The following ZNF514 variants were observed in gnomAD, a reference collection of about 807,000 sequenced individuals.
ZNF514 encodes the protein zinc finger protein 514.
ZNF514 carries 12 observed loss-of-function variants against 9.7 expected under a neutral mutation model. That is an observed-to-expected ratio of 1.24 (90% CI 0.79 to 2.01). The LOEUF is 2.01. ZNF514 is among the 30% of genes most tolerant of loss of function. The pLI, the probability that ZNF514 is intolerant of heterozygous loss-of-function variation, is 0.00. For missense variants in ZNF514, 467 were observed against 465.5 expected, an observed-to-expected ratio of 1.00 and a Z score of -0.03; for synonymous variants, 158 against 163.7, an observed-to-expected ratio of 0.97 and a Z score of 0.27.
At position 95,148,671 on chromosome 2, in the gene ZNF514, G is replaced by A. The variant is rs563563209; in HGVS notation, c.*611C>T. ...TTCCAGCTAGTAGGGAGAGTTCTAAGGGGTTTATAAAGCAATGAGGTTTGG... is the reference window on the plus strand; with the variant it reads ...TTCCAGCTAGTAGGGAGAGTTCTAAAGGGTTTATAAAGCAATGAGGTTTGG... On this transcript the variant is annotated 3_prime_UTR_variant, in exon 5 of 5. Transcript: ENST00000295208. 4 of 152,902 alleles carry A rather than the reference G, an allele frequency of 2.6e-5. No homozygotes were observed. The highest frequency in any genetic ancestry group is 7.2e-5 in the African/African-American group (3 of 41,542). The allele number at this position is 152,902 out of a possible 1,614,324, so 9.5% of individuals were successfully genotyped here.
chr2:95,128,590 GAGGAGGAGGAGGGAGAAGAAGAAAGAAAA>G, the ZNF514 span, among the ~76,000 whole-genome samples: 7 of 151,386 alleles, frequency 4.6e-5, no homozygotes, highest in East Asian at 1.9e-4. Flanking sequence ...AGAGGATGAG[GAGGAGGAGGAGGGAGAAGAAGAAAGAAAA>G]AGGAGGAGGA....
chr2:95,148,988 C>T lies in ZNF514; in HGVS notation c.*294G>A. ...CTCACTGCATTGATAAGGCTCCTCC[C>T]CAGTGTCGGCTGTCTGATGCTGAAT... On this transcript the variant is annotated 3_prime_UTR_variant, in exon 5 of 5. Transcript: ENST00000295208. 1 of 334,472 alleles carries T rather than the reference C, an allele frequency of 3.0e-6. No individual in the cohort carries two copies. The highest frequency in any genetic ancestry group is 5.4e-6 in the Non-Finnish European group (1 of 183,864). 20.7% of individuals were successfully genotyped at this position (334,472 alleles called of 1,614,324 possible).
rs1156978374 is a variant in ZNF514 at position 95,155,343 on chromosome 2, C to T, written c.-7+2008G>A. On this transcript the variant is annotated intron_variant, in intron 2 of 4. Transcript: ENST00000295208. ...TGTAACCTACAGACTTTCCCACTCC[C>T]AAGACCAAGGGTCCTCACAGTGTCT... The T allele has an allele frequency of 2.6e-5, 4 of 152,246 alleles. No individual in the cohort carries two copies. The East Asian group carries it at 7.7e-4, about 29-fold the overall frequency. The allele number at this position is 152,246 out of a possible 1,614,324, so 9.4% of individuals were successfully genotyped here.
chr2:95,126,989 C>G, the ZNF514 span, among the ~76,000 whole-genome samples: 1 of 152,158 alleles, frequency 6.6e-6, no homozygotes, highest in Admixed American at 6.5e-5. Context: ...CACCTGATCT[C>G]TTTATGCCTC....
At chr2:95,158,048 C>T (rs1286966620) in intron 1 of ZNF514, among the ~76,000 whole-genome samples, 3 of 152,150 alleles carry the variant, frequency 2.0e-5, no homozygotes, top group Non-Finnish European at 4.4e-5. Context: ...AAAACTAACC[C>T]AAACCATGCC....
At chr2:95,133,445 G>A in the ZNF514 span, among the ~76,000 whole-genome samples, 21 of 152,238 alleles carry the variant, frequency 1.4e-4, no homozygotes, top group African/African-American at 4.8e-4. Context: ...ATGAGTGGTT[G>A]TCAGGAGTTA....
chr2:95,148,960 A>ACACT lies in ZNF514; in HGVS notation c.*318_*321dup. 3.6e-6 allele frequency: 1 copy of ACACT among 281,370 alleles called. No individual in the cohort carries two copies. The highest frequency in any genetic ancestry group is 6.6e-6 in the Non-Finnish European group (1 of 150,596). 17.4% of individuals were successfully genotyped at this position (281,370 alleles called of 1,614,324 possible). A position where few individuals can be genotyped will look rare whatever the true frequency, so the allele number is the denominator to read the frequency against. On this transcript the variant is annotated 3_prime_UTR_variant, in exon 5 of 5. Coordinates refer to ENST00000295208, the MANE Select transcript of ZNF514 (RefSeq NM_032788.3). ...ATCAGTATGTAACTGAAGGCTTGCCACACTCACTGCATTGATAAGGCTCCT... is the reference window on the plus strand; with the variant it reads ...ATCAGTATGTAACTGAAGGCTTGCCACACTCACTCACTGCATTGATAAGGCTCCT...
chr2:95,141,232 A>G (rs1673201116), downstream of ZNF514, among the ~76,000 whole-genome samples: 1 of 152,206 alleles, frequency 6.6e-6, no homozygotes, highest in Admixed American at 6.5e-5. Context: ...TACAGGAACC[A>G]CATAACAAAA....
chr2:95,125,460 G>T, the ZNF514 span, among the ~76,000 whole-genome samples: 3 of 151,714 alleles, frequency 2.0e-5, no homozygotes, highest in Non-Finnish European at 4.4e-5. Context: ...GGATGGTCTC[G>T]ATCTCTTGAC....
Position 95,149,643 on chromosome 2 carries a change from A to T in ZNF514, c.842T>A (p.Phe281Tyr), listed in dbSNP as rs774655095. Residue 281 changes from phenylalanine (F) to tyrosine (Y), a missense_variant, in exon 5 of 5, where the codon TTT becomes TAT. By Grantham distance (22) the Phe-to-Tyr change is conservative. Transcript: ENST00000295208. Reference protein sequence around the residue: ...QSSSLVLHYRFHTGEKPYKCN... With the variant: ...QSSSLVLHYRYHTGEKPYKCN... Reference sequence around the variant, plus strand: ...TTTGTAGGGTTTCTCTCCAGTGTGAAATCTATAGTGCAGAACAAGAGACGA... The same window carrying T: ...TTTGTAGGGTTTCTCTCCAGTGTGATATCTATAGTGCAGAACAAGAGACGA... The T allele has an allele frequency of 1.2e-6, 2 of 1,613,940 alleles. No individual in the cohort carries two copies. Among genetic ancestry groups the T allele is most frequent in the African/African-American group, 2.7e-5 (2 of 74,918 alleles).
chr2:95,159,039 C>G, intron 1 of ZNF514: 2 of 1,246,192 alleles, frequency 1.6e-6, no homozygotes, highest in South Asian at 2.6e-5. Flanking sequence ...GTCTTTCGGC[C>G]ACAGCCCTGT....
the ZNF514 span, among the ~76,000 whole-genome samples, chr2:95,138,643 G>A: frequency 1.3e-5 from 2 of 152,180 alleles, no homozygotes; most frequent in East Asian, 3.8e-4. Flanking sequence ...ATGACTTAAA[G>A]TTGGAATTTG....
chr2:95,132,953 T>C, the ZNF514 span, among the ~76,000 whole-genome samples: 1 of 151,262 alleles, frequency 6.6e-6, no homozygotes, highest in African/African-American at 2.4e-5. Context: ...CTCAGATAAA[T>C]GGAAACTCCT....
intron 1 of ZNF514, among the ~76,000 whole-genome samples, chr2:95,158,486 G>C (rs1452936126): frequency 6.6e-6 from 1 of 152,198 alleles, no homozygotes; most frequent in African/African-American, 2.4e-5. Flanking sequence ...TTGGGGGAAG[G>C]GGCTCAGAGG....
downstream of ZNF514, among the ~76,000 whole-genome samples, chr2:95,141,504 C>A (rs1478289302): frequency 1.3e-5 from 2 of 152,152 alleles, no homozygotes; most frequent in Non-Finnish European, 2.9e-5. Context: ...ATACTATACT[C>A]TACCATGCTG....
the ZNF514 span, among the ~76,000 whole-genome samples, chr2:95,126,383 A>AT: frequency 6.8e-6 from 1 of 147,572 alleles, no homozygotes; most frequent in African/African-American, 2.5e-5. Flanking sequence ...AAAAAAAAAA[A>AT]AAAAAAAAAA....
the ZNF514 span, among the ~76,000 whole-genome samples, chr2:95,123,416 A>C: frequency 4.2e-4 from 64 of 152,202 alleles, no homozygotes; most frequent in Non-Finnish European, 3.4e-4. Flanking sequence ...CAAAATGAAC[A>C]ACCAGGCACA....
the ZNF514 span, among the ~76,000 whole-genome samples, chr2:95,131,562 T>A: frequency 1.3e-5 from 2 of 152,200 alleles, no homozygotes; most frequent in African/African-American, 2.4e-5. Flanking sequence ...CTTTCCAGTG[T>A]CGGGTGTCAG....
the ZNF514 span, among the ~76,000 whole-genome samples, chr2:95,137,709 T>C: frequency 6.6e-6 from 1 of 152,224 alleles, no homozygotes; most frequent in African/African-American, 2.4e-5. Context: ...TTCTGAAAAT[T>C]TGCAGTCCTT....
Sources: allele counts gnomAD v4.1 joint callset (sites outside exome capture counted in the v4.1 genomes callset), GRCh38; gene constraint gnomAD v4.1.1; transcripts MANE v1.5; gene names NCBI Gene and HGNC (gene_info 2026-07-23, HGNC 2026-07-21).